The following NKIRAS1 variants were observed in gnomAD, a reference collection of about 807,000 sequenced individuals.
The protein encoded by NKIRAS1 is NFKB inhibitor interacting Ras like 1, also known as NF-kappa-B inhibitor-interacting Ras-like protein 1.
NKIRAS1 carries 16 observed loss-of-function variants against 19.8 expected under a neutral mutation model. The ratio of observed to expected loss-of-function variants is 0.81; its 90% confidence interval spans 0.55 to 1.23. The LOEUF (loss-of-function observed/expected upper bound fraction) is 1.23. Among genes scored for constraint, NKIRAS1 ranks in the 50% most tolerant of loss-of-function variants. NKIRAS1 has a pLI of 0.00. For missense variants in NKIRAS1, 184 were observed against 220.0 expected, an observed-to-expected ratio of 0.84 and a Z score of 1.04; for synonymous variants, 88 against 79.0, an observed-to-expected ratio of 1.11 and a Z score of -0.61.
rs751727351 is a variant in NKIRAS1 at position 23,890,476 on chromosome 3, TTCTCC to T, written c.*2614_*2618del. 76 of 1,594,514 alleles carry T rather than the reference TTCTCC, an allele frequency of 4.8e-5. No homozygotes were observed. The highest frequency in any genetic ancestry group is 6.1e-5 in the Non-Finnish European group (72 of 1,171,118). On this transcript the variant is annotated 3_prime_UTR_variant, in exon 5 of 5. Coordinates refer to ENST00000425478, the MANE Select transcript of NKIRAS1 (RefSeq NM_020345.4). ...CTAAAGTTTAAAATGTTCTTTTCCT[TTCTCC>T]AAAGTAATCTACATTCTTTTCTTCC...
At chr3:23,893,585 T>A (rs1208728675) in intron 4 of NKIRAS1, among the ~76,000 whole-genome samples, 1 of 151,966 alleles carries the variant, frequency 6.6e-6, no homozygotes, top group Non-Finnish European at 1.5e-5. Flanking sequence ...GGCTCGTGGA[T>A]CTCTTGAGGT....
chr3:23,922,698 T>C lies in NKIRAS1; in HGVS notation c.-139-11248A>G, dbSNP rs951069585. 2.0e-5 allele frequency: 3 copies of C among 152,248 alleles called. No individual in the cohort carries two copies. Among genetic ancestry groups the C allele is most frequent in the Admixed American group, 1.3e-4 (2 of 15,286 alleles). 9.4% of individuals were successfully genotyped at this position (152,248 alleles called of 1,614,324 possible). A position where few individuals can be genotyped will look rare whatever the true frequency, so the allele number is the denominator to read the frequency against. ...ACTGCACGTGGCCAACTTAAAGTTTTTGATAGATAATACATTAACGTTAAA... is the reference window on the plus strand; with the variant it reads ...ACTGCACGTGGCCAACTTAAAGTTTCTGATAGATAATACATTAACGTTAAA... On this transcript the variant is annotated intron_variant, in intron 1 of 4. Coordinates refer to the NKIRAS1 transcript ENST00000421515. The surrounding 1 kb of genome is among the most constrained non-coding windows in gnomAD (Gnocchi z 4.2).
chr3:23,917,578 C>A (rs1704700610), upstream of NKIRAS1: 2 of 328,126 alleles, frequency 6.1e-6, no homozygotes, highest in Non-Finnish European at 1.1e-5. Context: ...CCTGCCGCAG[C>A]CACCCGCCCC....
chr3:23,918,516 G>A (rs758933020), upstream of NKIRAS1: 2 of 1,613,862 alleles, frequency 1.2e-6, no homozygotes, highest in East Asian at 2.2e-5. Context: ...CTTACGGCAA[G>A]CCTGTCCATC....
chr3:23,920,414 C>T (rs139105525), upstream of NKIRAS1: 27 of 985,286 alleles, frequency 2.7e-5, no homozygotes, highest in Non-Finnish European at 3.0e-5. Context: ...GCAGTTATTT[C>T]TCTTGTTCTG....
Position 23,910,004 on chromosome 3 carries a change from G to A in NKIRAS1, c.94+807C>T, listed in dbSNP as rs1014784485. 2.0e-4 allele frequency among the ~76,000 whole-genome samples: 30 copies of A among 151,734 alleles called. 1 individual carries two copies. Among genetic ancestry groups the A allele is most frequent in the Admixed American group, 1.1e-3 (16 of 15,206 alleles). On this transcript the variant is annotated intron_variant, in intron 3 of 4. Transcript: ENST00000425478. ...CTCCTGAGTAGCTGCGACTACAGGCGTGCACCGCCACACCCAGCTAATTTT... is the reference window on the plus strand; with the variant it reads ...CTCCTGAGTAGCTGCGACTACAGGCATGCACCGCCACACCCAGCTAATTTT...
At chr3:23,921,508 T>C, upstream of NKIRAS1, 1 of 672,614 alleles carries the variant, frequency 1.5e-6, no homozygotes, top group Non-Finnish European at 2.7e-6. Context: ...CCACAAGCTG[T>C]TCCCATTTGC....
intron 1 of NKIRAS1, among the ~76,000 whole-genome samples, chr3:23,935,296 G>A (rs1164471541): frequency 6.6e-6 from 1 of 151,522 alleles, no homozygotes; most frequent in African/African-American, 2.4e-5. Context: ...CTTAGCAAAG[G>A]GAAAATCTAC....
At chr3:23,896,179 C>T (rs1487527401) in intron 4 of NKIRAS1, among the ~76,000 whole-genome samples, 2 of 149,636 alleles carry the variant, frequency 1.3e-5, no homozygotes, top group South Asian at 2.1e-4. Context: ...TCCGCCACCA[C>T]ATCTAACAAC....
At chr3:23,938,016 A>C (rs141745276) in intron 1 of NKIRAS1, among the ~76,000 whole-genome samples, 1,810 of 152,236 alleles carry the variant, frequency 0.012, 44 homozygotes, top group African/African-American at 0.042. Context: ...TCATTTAGTG[A>C]CCTTCAGCTC....
In NKIRAS1 at chr3:23,893,033, C is replaced by T. The variant is rs1208125275; in HGVS notation, c.*62G>A. On this transcript the variant is annotated 3_prime_UTR_variant, in exon 5 of 5. Coordinates refer to ENST00000425478, the MANE Select transcript of NKIRAS1 (RefSeq NM_020345.4). ...CCTATTTTAAATAGTAATATTACTC[C>T]ATGTTCACAGACACTTAAAGGCAAT... 6.1e-6 allele frequency: 9 copies of T among 1,465,578 alleles called. No homozygotes were observed. In the East Asian group the frequency reaches 2.1e-4, roughly 35 times the overall value. 90.8% of individuals were successfully genotyped at this position (1,465,578 alleles called of 1,614,324 possible). A position where few individuals can be genotyped will look rare whatever the true frequency, so the allele number is the denominator to read the frequency against.
At chr3:23,908,846 C>G (rs995394984) in intron 3 of NKIRAS1, among the ~76,000 whole-genome samples, 2 of 141,914 alleles carry the variant, frequency 1.4e-5, no homozygotes, top group African/African-American at 5.2e-5. Flanking sequence ...TTCTTTCTTT[C>G]TTTTTTTTTT....
chr3:23,946,118 A>G, intron 1 of NKIRAS1: 1 of 983,802 alleles, frequency 1.0e-6, no homozygotes, highest in Non-Finnish European at 1.2e-6. Context: ...CGTCGCCGCG[A>G]TTCCCTCCTC....
chr3:23,944,796 C>T (rs1471819521), intron 1 of NKIRAS1, among the ~76,000 whole-genome samples: 2 of 150,374 alleles, frequency 1.3e-5, no homozygotes, highest in Non-Finnish European at 3.0e-5. Context: ...AGGGTCTGTG[C>T]CCTCAGAGAC....
At chr3:23,919,287 T>A, upstream of NKIRAS1, 1 of 1,609,348 alleles carries the variant, frequency 6.2e-7, no homozygotes, top group Non-Finnish European at 8.5e-7. Context: ...GAGGTTATCC[T>A]CATTGATCCA....
rs113020274 is a variant in NKIRAS1 at position 23,928,961 on chromosome 3, C to A, written c.-140+17362G>T. Among the ~76,000 whole-genome samples the A allele has an allele frequency of 4.7e-5, 7 of 149,670 alleles. No homozygotes were observed. In the East Asian group the frequency reaches 1.4e-3, roughly 29 times the overall value. ...GCAGTGAACCGAGATCGTGCCACTG[C>A]GCTCCAGCCTGGGCGACAGAGCGAG... On this transcript the variant is annotated intron_variant, in intron 1 of 4. Transcript: ENST00000421515.
chr3:23,929,509 C>A (rs71324119), intron 1 of NKIRAS1, among the ~76,000 whole-genome samples: 1 of 152,148 alleles, frequency 6.6e-6, no homozygotes, highest in Non-Finnish European at 1.5e-5. Flanking sequence ...TCACTGCAAC[C>A]TCTGCGTCTC....
upstream of NKIRAS1, chr3:23,918,613 C>T: frequency 6.3e-7 from 1 of 1,599,172 alleles, no homozygotes; most frequent in Non-Finnish European, 8.5e-7. Flanking sequence ...TTGAATACTG[C>T]CTGGGGATGG....
chr3:23,890,387 T>G lies in NKIRAS1; in HGVS notation c.*2708A>C. ...AAATATCCAGCATGGTGGAGTGGTGTTTCGAAGATGGGTTTGATCACACAT... is the reference window on the plus strand; with the variant it reads ...AAATATCCAGCATGGTGGAGTGGTGGTTCGAAGATGGGTTTGATCACACAT... On this transcript the variant is annotated 3_prime_UTR_variant, in exon 5 of 5. Coordinates refer to ENST00000425478, the MANE Select transcript of NKIRAS1 (RefSeq NM_020345.4). 1.2e-6 allele frequency: 1 copy of G among 808,964 alleles called. No individual in the cohort carries two copies. The highest frequency in any genetic ancestry group is 2.1e-5 in the South Asian group (1 of 46,582). 50.1% of individuals were successfully genotyped at this position (808,964 alleles called of 1,614,324 possible). A position where few individuals can be genotyped will look rare whatever the true frequency, so the allele number is the denominator to read the frequency against.
Sources: allele counts gnomAD v4.1 joint callset (sites outside exome capture counted in the v4.1 genomes callset), GRCh38; gene constraint gnomAD v4.1.1; non-coding constraint Gnocchi (gnomAD v3.1); transcripts MANE v1.5; gene names NCBI Gene and HGNC (gene_info 2026-07-23, HGNC 2026-07-21).